Variants in ADAMTSL1 observed in about 807,000 individuals in gnomAD.
ADAMTSL1 encodes the protein ADAMTS like 1.
In ADAMTSL1, 126 loss-of-function variants were observed where a neutral mutation model predicts 201.8. The ratio of observed to expected loss-of-function variants is 0.62; its 90% CI spans 0.54 to 0.72. ADAMTSL1 has a LOEUF of 0.72. Among genes scored for constraint, ADAMTSL1 ranks in the 30% least tolerant of loss-of-function variants. The pLI, the probability that ADAMTSL1 is intolerant of heterozygous loss-of-function variation, is 0.00. For synonymous variants in ADAMTSL1, 1,121 were observed against 903.4 expected, an observed-to-expected ratio of 1.24 and a Z score of -4.32; for missense variants, 2,679 against 2,277.8, an observed-to-expected ratio of 1.18 and a Z score of -3.59.
chr9:18,397,113 G>T (rs948581829), intron 2 of ADAMTSL1, among the ~76,000 whole-genome samples: 2 of 151,998 alleles, frequency 1.3e-5, no homozygotes, highest in South Asian at 4.1e-4. Context: ...ACTAAGTTTA[G>T]GTTTGTTTAG....
chr9:18,311,388 T>TATC (rs1468103038), intron 2 of ADAMTSL1, among the ~76,000 whole-genome samples: 5 of 152,114 alleles, frequency 3.3e-5, no homozygotes, highest in Non-Finnish European at 5.9e-5. Context: ...GATATCGTTT[T>TATC]ATCACTGTCA....
At chr9:18,778,798 T>C (rs568680845) in intron 19 of ADAMTSL1, among the ~76,000 whole-genome samples, 1 of 152,346 alleles carries the variant, frequency 6.6e-6, no homozygotes, top group Admixed American at 6.5e-5. Flanking sequence ...TACTAAAGGT[T>C]GTATTTATTA....
intron 2 of ADAMTSL1, among the ~76,000 whole-genome samples, chr9:18,189,740 C>G (rs1246607527): frequency 6.6e-6 from 1 of 152,044 alleles, no homozygotes; most frequent in Non-Finnish European, 1.5e-5. Context: ...GTCTTCCACT[C>G]TATTATAGAA....
chr9:18,317,393 AAC>A (rs57642851), intron 2 of ADAMTSL1, among the ~76,000 whole-genome samples: 50,009 of 148,722 alleles, frequency 0.34, 8,577 homozygotes, highest in Admixed American at 0.51. Context: ...AAGTGTCCTC[AAC>A]ACACACACAC....
At chr9:18,360,582 C>T (rs1260692483) in intron 2 of ADAMTSL1, 1 of 152,084 alleles carries the variant, frequency 6.6e-6, no homozygotes, top group African/African-American at 2.4e-5. Context: ...TTTATTTCCC[C>T]AGTGACTGAG....
chr9:18,221,057 G>T (rs770420334), intron 2 of ADAMTSL1, among the ~76,000 whole-genome samples: 2 of 152,104 alleles, frequency 1.3e-5, no homozygotes, highest in African/African-American at 2.4e-5. Context: ...TTACAGACAT[G>T]AGTCGCCATG....
intron 7 of ADAMTSL1, 38 bp downstream of exon 7, chr9:18,639,449 C>T: frequency 7.5e-6 from 12 of 1,593,530 alleles, no homozygotes; most frequent in Non-Finnish European, 1.0e-5. Flanking sequence ...CAAGCCACAT[C>T]CCAAATGATG....
intron 1 of ADAMTSL1, among the ~76,000 whole-genome samples, chr9:18,129,083 T>C (rs1248769067): frequency 6.6e-6 from 1 of 152,214 alleles, no homozygotes; most frequent in Non-Finnish European, 1.5e-5. Context: ...TTAGCAATGG[T>C]ATAATCTGTT....
chr9:18,643,554 A>C (rs1827584329), intron 7 of ADAMTSL1, among the ~76,000 whole-genome samples: 1 of 152,124 alleles, frequency 6.6e-6, no homozygotes, highest in Non-Finnish European at 1.5e-5. Flanking sequence ...TCTTACACTT[A>C]AGTCTTTAAT....
chr9:18,296,795 T>C (rs1374469593), intron 2 of ADAMTSL1, among the ~76,000 whole-genome samples: 2 of 152,200 alleles, frequency 1.3e-5, no homozygotes, highest in Non-Finnish European at 2.9e-5. Context: ...GAAACCACAG[T>C]GTGGCTCTCT....
At chr9:18,059,735 A>G (rs1053778051) in intron 1 of ADAMTSL1, among the ~76,000 whole-genome samples, 1 of 152,090 alleles carries the variant, frequency 6.6e-6, no homozygotes, top group Non-Finnish European at 1.5e-5. Context: ...CCATGTTTTT[A>G]TTCTTTTTAA....
intron 2 of ADAMTSL1, among the ~76,000 whole-genome samples, chr9:18,166,309 T>C (rs1827627808): frequency 6.6e-6 from 1 of 151,894 alleles, no homozygotes; most frequent in Non-Finnish European, 1.5e-5. Context: ...TAGAGAATAG[T>C]CGTGGTGAGA....
At chr9:18,002,232 T>A (rs1295235572) in intron 1 of ADAMTSL1, among the ~76,000 whole-genome samples, 1 of 151,896 alleles carries the variant, frequency 6.6e-6, no homozygotes, top group Non-Finnish European at 1.5e-5. Flanking sequence ...AGAAGGAGAA[T>A]GTTGAAAGAT....
At chr9:18,469,969 C>G (rs1563979271), upstream of ADAMTSL1, among the ~76,000 whole-genome samples, 4 of 152,124 alleles carry the variant, frequency 2.6e-5, no homozygotes, top group Admixed American at 2.0e-4. Context: ...ATAAATGTAC[C>G]TACCCCATAG....
At chr9:18,660,241 C>T (rs532474828) in intron 8 of ADAMTSL1, among the ~76,000 whole-genome samples, 2 of 152,270 alleles carry the variant, frequency 1.3e-5, no homozygotes, top group South Asian at 2.1e-4. Context: ...GCTGTCCTTC[C>T]ACTTTATTTT....
chr9:18,546,727 A>G (rs1820492487), intron 3 of ADAMTSL1, among the ~76,000 whole-genome samples: 1 of 152,196 alleles, frequency 6.6e-6, no homozygotes, highest in African/African-American at 2.4e-5. Flanking sequence ...CTTATAGAAC[A>G]GTATTTTGAA....
At chr9:18,557,730 G>A (rs12345939) in intron 3 of ADAMTSL1, among the ~76,000 whole-genome samples, 38,535 of 151,910 alleles carry the variant, frequency 0.25, 5,299 homozygotes, top group East Asian at 0.59. Context: ...AATTGCTCTA[G>A]AAAGTGCCTT....
intron 1 of ADAMTSL1, among the ~76,000 whole-genome samples, chr9:17,964,520 A>G (rs938792209): frequency 2.0e-5 from 3 of 152,026 alleles, no homozygotes; most frequent in Non-Finnish European, 4.4e-5. Context: ...GTGTCTCGAC[A>G]GTAGTGGCGA....
intron 23 of ADAMTSL1, among the ~76,000 whole-genome samples, chr9:18,883,912 A>G (rs1236105481): frequency 1.3e-5 from 2 of 152,184 alleles, no homozygotes; most frequent in Non-Finnish European, 2.9e-5. Flanking sequence ...TCCTGCTTTC[A>G]ATTCTTTTGA....
Sources: allele counts gnomAD v4.1 joint callset (sites outside exome capture counted in the v4.1 genomes callset), GRCh38; gene constraint gnomAD v4.1.1; transcripts MANE v1.5; gene names NCBI Gene and HGNC (gene_info 2026-07-23, HGNC 2026-07-21).